RIF1: variants seen among roughly 807,000 people sequenced by gnomAD.
The protein encoded by RIF1 is telomere-associated protein RIF1.
Under a neutral mutation model 247.1 loss-of-function variants are expected in RIF1, and 45 were observed. The observed-to-expected ratio is 0.18, with a 90% CI of 0.14 to 0.23. The LOEUF (loss-of-function observed/expected upper bound fraction) is 0.23, where lower values mean the gene tolerates loss of function less well. RIF1 is among the 10% of genes least tolerant of loss of function. The pLI, the probability that RIF1 is intolerant of heterozygous loss-of-function variation, is 1.00. For missense variants in RIF1, 2,967 were observed against 2,862.5 expected (o/e 1.04, Z -0.83); for synonymous variants, 1,087 against 978.8 (o/e 1.11, Z -2.06).
At chr2:151,412,199 CCTTAACAT>C (rs1686358364) in intron 3 of RIF1, among the ~76,000 whole-genome samples, 2 of 152,124 alleles carry the variant, frequency 1.3e-5, no homozygotes, top group South Asian at 4.1e-4. Flanking sequence ...TCCTGACTAT[CCTTAACAT>C]CTTTTAAATT....
intron 34 of RIF1, among the ~76,000 whole-genome samples, chr2:151,472,278 A>G (rs1027956749): frequency 6.6e-6 from 1 of 152,174 alleles, no homozygotes; most frequent in South Asian, 2.1e-4. Flanking sequence ...GGGCTGAGAC[A>G]ACGGGGTTTT....
At chr2:151,447,189 C>T (rs533084721) in intron 20 of RIF1, among the ~76,000 whole-genome samples, 7 of 151,842 alleles carry the variant, frequency 4.6e-5, no homozygotes, top group South Asian at 2.1e-4. Flanking sequence ...GTGATCCGCC[C>T]GCCTCGGCCT....
chr2:151,434,878 A>G (rs1263886109), intron 10 of RIF1, among the ~76,000 whole-genome samples: 1 of 152,176 alleles, frequency 6.6e-6, no homozygotes, highest in African/African-American at 2.4e-5. Context: ...TTTTATATAA[A>G]TAGCTGCATA....
intron 23 of RIF1, among the ~76,000 whole-genome samples, 200 bp from the exon 24 acceptor site, chr2:151,457,561 A>C (rs1695415585): frequency 6.6e-6 from 1 of 151,558 alleles, no homozygotes; most frequent in African/African-American, 2.4e-5. Context: ...ATAGAAAATA[A>C]GTTCAAAATT....
At chr2:151,410,232 G>C in intron 1 of RIF1, 182 bp from the exon 2 acceptor site, 1 of 631,596 alleles carries the variant, frequency 1.6e-6, no homozygotes, top group Non-Finnish European at 2.8e-6. Flanking sequence ...TCAGGTGTCT[G>C]GTGTCGGGCG....
At chr2:151,410,204 C>T in intron 1 of RIF1, 171 bp downstream of exon 1, 2 of 636,616 alleles carry the variant, frequency 3.1e-6, no homozygotes, top group Non-Finnish European at 5.7e-6. Flanking sequence ...CGGGCCCAGG[C>T]CCGAATGTGG....
chr2:151,462,872 A>G lies in RIF1; in HGVS notation c.3364-12A>G, dbSNP rs1696407250. ...TCTGTGTGTGTATATATATGTATAT[A>G]TTTCTGTGCAGGAGGAGCAAATGGA... On this transcript the variant is annotated splice_polypyrimidine_tract_variant and intron_variant, in intron 29 of 35. Coordinates refer to ENST00000444746, the MANE Select transcript of RIF1 (RefSeq NM_018151.5). The G allele has an allele frequency of 6.5e-7, 1 of 1,549,620 alleles. No individual in the cohort carries two copies. The highest frequency in any genetic ancestry group is 8.8e-7 in the Non-Finnish European group (1 of 1,142,372).
rs549991034 is a variant in RIF1 at position 151,415,791 on chromosome 2, C to T, written c.281-770C>T. 2.2e-4 allele frequency among the ~76,000 whole-genome samples: 33 copies of T among 151,932 alleles called. No homozygotes were observed. The East Asian group carries it at 5.4e-3, about 25-fold the overall frequency. ...ACTCGGGAGGCTGAGGCAGGAGAAT[C>T]GCTTGAACCTGGGAGATGGAGGTTG... On this transcript the variant is annotated intron_variant, in intron 4 of 35. Coordinates refer to ENST00000444746, the MANE Select transcript of RIF1 (RefSeq NM_018151.5).
Position 151,465,487 on chromosome 2 carries a change from G to C in RIF1, c.5967G>C (p.Glu1989Asp). Residue 1989 changes from glutamate to aspartate, a missense_variant, in exon 30 of 36, where the codon GAG (glutamate) becomes GAC (aspartate). By Grantham distance (45) the Glu-to-Asp change is conservative (BLOSUM62 2). This residue lies in a region of RIF1 where 2,028 missense variants were observed against 1,825.6 expected (regional missense o/e 1.11). Transcript: ENST00000444746. ...TTPVKLNAQT[E>D]ISEQTAAGEL... ...CTGTAAAATTGAATGCTCAAACTGAGATTTCTGAACAAACAGCAGCTGGGG... is the reference window on the plus strand; with the variant it reads ...CTGTAAAATTGAATGCTCAAACTGACATTTCTGAACAAACAGCAGCTGGGG... The C allele has an allele frequency of 6.2e-7, 1 of 1,613,988 alleles. No individual in the cohort carries two copies. Among genetic ancestry groups the C allele is most frequent in the Non-Finnish European group, 8.5e-7 (1 of 1,179,990 alleles).
chr2:151,505,459 C>T, intron 12 of RIF1: 1 of 1,603,260 alleles, frequency 6.2e-7, no homozygotes, highest in Non-Finnish European at 8.5e-7. Context: ...CAAATGGAAG[C>T]TGAGAGTATG....
chr2:151,502,775 TGGC>T, intron 11 of RIF1: 6 of 1,404,416 alleles, frequency 4.3e-6, no homozygotes, highest in Admixed American at 3.4e-5. Context: ...TTTTTTTTTT[TGGC>T]CCCCTAAGAA....
chr2:151,466,262 A>G, intron 30 of RIF1, 142 bp downstream of exon 30: 1 of 598,418 alleles, frequency 1.7e-6, no homozygotes, highest in Non-Finnish European at 2.9e-6. Flanking sequence ...TGCTAGGGAA[A>G]AGGTAGGTAG....
At chr2:151,440,267 A>T (rs1408005431) in intron 15 of RIF1, 140 bp downstream of exon 15, 6 of 620,274 alleles carry the variant, frequency 9.7e-6, no homozygotes, top group East Asian at 3.0e-5. Context: ...TATTGCAATA[A>T]GTGCCATTCT....
the RIF1 span, chr2:151,519,165 C>T: frequency 1.2e-6 from 1 of 813,970 alleles, no homozygotes; most frequent in Non-Finnish European, 2.1e-6. Context: ...CAAACAAATG[C>T]TGGAGATGGT....
intron 25 of RIF1, 49 bp downstream of exon 25, chr2:151,458,959 T>C (rs577719411): frequency 3.2e-5 from 37 of 1,155,016 alleles, no homozygotes; most frequent in Admixed American, 3.0e-4. Flanking sequence ...ATTTAAGTTA[T>C]TTGTTGAAAG....
intron 9 of RIF1, chr2:151,489,962 T>C (rs771168563): frequency 3.2e-6 from 5 of 1,542,134 alleles, no homozygotes; most frequent in East Asian, 2.2e-5. Flanking sequence ...TGAGTTGTTA[T>C]TCACTTACTC....
In RIF1 at chr2:151,461,216, A is replaced by G; in HGVS notation, c.3154A>G (p.Ile1052Val). The change falls in exon 27 of 36, where the codon ATA becomes GTA. Residue 1052 changes from isoleucine to valine, a missense_variant. Physicochemically the swap from Ile to Val is conservative, Grantham distance 29. Around this residue, in one of 7 missense-constraint regions of RIF1, gnomAD observed 2,028 missense variants for 1,825.6 expected, o/e 1.11. Coordinates refer to ENST00000444746, the MANE Select transcript of RIF1 (RefSeq NM_018151.5). ...EEEKSTDFVF[I>V]PPEGKDAKER... is the part of the protein sequence containing the mutation. ...GGAAAAGTCTACTGACTTTGTGTTT[A>G]TACCTCCAGAAGGAAAAGATGCAAA... The G allele has an allele frequency of 4.3e-6, 7 of 1,613,348 alleles. No homozygotes were observed. The highest frequency in any genetic ancestry group is 1.7e-4 in the Middle Eastern group (1 of 6,058).
intron 10 of RIF1, among the ~76,000 whole-genome samples, chr2:151,434,121 T>G (rs1163655994): frequency 1.4e-5 from 2 of 145,128 alleles, no homozygotes; most frequent in Non-Finnish European, 3.0e-5. Context: ...TGAGCTGAGA[T>G]CACACCACTG....
At chr2:151,488,199 A>C (rs1297618078) in intron 9 of RIF1, among the ~76,000 whole-genome samples, 1 of 152,030 alleles carries the variant, frequency 6.6e-6, no homozygotes, top group South Asian at 2.1e-4. Context: ...CAATATTAAT[A>C]TTTTTGTTAT....
Sources: allele counts gnomAD v4.1 joint callset (sites outside exome capture counted in the v4.1 genomes callset), GRCh38; gene constraint gnomAD v4.1.1; regional missense constraint gnomAD v4.1.1; transcripts MANE v1.5; gene names NCBI Gene and HGNC (gene_info 2026-07-23, HGNC 2026-07-21).